The following MYH3 variants were observed in gnomAD, a reference collection of about 807,000 sequenced individuals.
MYH3 encodes myosin heavy chain 3, also known as myosin-3.
Under a neutral mutation model 238.0 loss-of-function variants are expected in MYH3, and 130 were observed. The ratio of observed to expected loss-of-function variants is 0.55; its 90% CI spans 0.47 to 0.63. MYH3 has a LOEUF of 0.63. Ranked by LOEUF, MYH3 falls within the 30% of genes least tolerant of loss-of-function variation. The probability of loss-of-function intolerance (pLI) is 0.00; values close to 1 mark genes in which losing one functional copy is unlikely to be tolerated. For synonymous variants in MYH3, 880 were observed against 924.1 expected (o/e 0.95, Z 0.86); for missense variants, 1,853 against 2,374.9 (o/e 0.78, Z 4.57).
chr17:10,647,269 T>A lies in MYH3; in HGVS notation c.811A>T (p.Lys271Ter). 6.2e-7 allele frequency: 1 copy of A among 1,614,126 alleles called. No individual in the cohort carries two copies. The highest frequency in any genetic ancestry group is 8.5e-7 in the Non-Finnish European group (1 of 1,179,962). Residue 271 changes from lysine to a stop codon, truncating the protein, a stop_gained, in exon 10 of 41, where the codon AAA becomes TAA. Coordinates refer to ENST00000583535, the MANE Select transcript of MYH3 (RefSeq NM_002470.4). LOFTEE classifies it high-confidence loss of function. ...SADIETYLLEKSRVTFQLKAE... is the reference protein window; with the variant it reads ...SADIETYLLE ...TTCAGCTGGAAAGTGACTCTTGATTTTTCCAGAAGATCTGGAACACAAACA... is the reference window on the plus strand; with the variant it reads ...TTCAGCTGGAAAGTGACTCTTGATTATTCCAGAAGATCTGGAACACAAACA...
chr17:10,648,168 C>T (rs919774883), intron 8 of MYH3, among the ~76,000 whole-genome samples: 2 of 152,134 alleles, frequency 1.3e-5, no homozygotes, highest in African/African-American at 4.8e-5. Flanking sequence ...GCCCTCCTCC[C>T]TACAACCACA....
At chr17:10,638,021 C>T in intron 27 of MYH3, 22 bp downstream of exon 27, 1 of 1,613,814 alleles carries the variant, frequency 6.2e-7, no homozygotes, top group Non-Finnish European at 8.5e-7. Flanking sequence ...AAGCCTTGAG[C>T]CACCCCCACC....
In MYH3 at chr17:10,652,512, C is replaced by T. The variant is rs779714194; in HGVS notation, c.256G>A (p.Asp86Asn). The change falls in exon 4 of 41, where the codon GAC becomes AAC. Residue 86 changes from aspartate (D) to asparagine (N), a missense_variant. Asp to Asn is a conservative substitution (Grantham distance 23, BLOSUM62 1). Transcript: ENST00000583535. ...DVYAMNPPKFDRIEDMAMLTH... is the reference protein window; with the variant it reads ...DVYAMNPPKFNRIEDMAMLTH... ...AGCATGGCCATGTCTTCGATCCTGTCGAACTTGGGGGGGTTCATGGCGTAC... is the reference window on the plus strand; with the variant it reads ...AGCATGGCCATGTCTTCGATCCTGTTGAACTTGGGGGGGTTCATGGCGTAC... 23 of 1,609,718 alleles carry T rather than the reference C, an allele frequency of 1.4e-5. No individual in the cohort carries two copies. Among genetic ancestry groups the T allele is most frequent in the Admixed American group, 1.0e-4 (6 of 59,664 alleles).
At chr17:10,663,891 C>T in the MYH3 span, among the ~76,000 whole-genome samples, 1 of 151,644 alleles carries the variant, frequency 6.6e-6, no homozygotes, top group Non-Finnish European at 1.5e-5. Context: ...GGTGAAATGC[C>T]GTCTTTACTA....
chr17:10,635,113 T>A (rs2074200586), intron 30 of MYH3, 90 bp from the exon 31 acceptor site: 3 of 1,445,898 alleles, frequency 2.1e-6, no homozygotes, highest in East Asian at 4.5e-5. Flanking sequence ...CTAATCTATG[T>A]GATTCAGACA....
At chr17:10,632,207 T>G (rs775896705) in intron 34 of MYH3, among the ~76,000 whole-genome samples, 191 bp from the exon 35 acceptor site, 3 of 152,220 alleles carry the variant, frequency 2.0e-5, no homozygotes, top group Non-Finnish European at 4.4e-5. Flanking sequence ...CTGTAACCTC[T>G]GCCTCCTGGA....
chr17:10,671,458 T>C, the MYH3 span, among the ~76,000 whole-genome samples: 4 of 152,210 alleles, frequency 2.6e-5, no homozygotes, highest in African/African-American at 4.8e-5. Context: ...ATCATTCTTT[T>C]AGTGTTTTGT....
chr17:10,667,913 T>A, the MYH3 span, among the ~76,000 whole-genome samples: 62 of 152,220 alleles, frequency 4.1e-4, no homozygotes, highest in African/African-American at 1.3e-3. Context: ...ACCATATAAA[T>A]GGTTTACAGA....
At chr17:10,662,007 GCTTTCTTT>G (rs141386069), upstream of MYH3, among the ~76,000 whole-genome samples, 5 of 151,366 alleles carry the variant, frequency 3.3e-5, no homozygotes, top group African/African-American at 4.8e-5. Flanking sequence ...ACCTTCCCCA[GCTTTCTTT>G]CTTTCTTTCT....
At chr17:10,635,213 T>C (rs1016079002) in intron 30 of MYH3, among the ~76,000 whole-genome samples, 154 bp downstream of exon 30, 1 of 152,212 alleles carries the variant, frequency 6.6e-6, no homozygotes. Flanking sequence ...AGATCAAAGC[T>C]GTTTGTTTTA....
the MYH3 span, among the ~76,000 whole-genome samples, chr17:10,664,905 A>C: frequency 6.6e-6 from 1 of 152,182 alleles, no homozygotes; most frequent in African/African-American, 2.4e-5. Context: ...AAAGGAATTA[A>C]AAGTAATGGA....
At chr17:10,650,956 T>A (rs7215508) in intron 5 of MYH3, among the ~76,000 whole-genome samples, 95,639 of 151,822 alleles carry the variant, frequency 0.63, 32,035 homozygotes, top group Non-Finnish European at 0.77. Flanking sequence ...TGGGAGGCTG[T>A]GGCAGGCAGA....
In MYH3 at chr17:10,654,739, T is replaced by C. The variant is rs1007003544; in HGVS notation, c.204+122A>G. The C allele has an allele frequency of 6.6e-6, 6 of 913,242 alleles. No individual in the cohort carries two copies. Among genetic ancestry groups the C allele is most frequent in the South Asian group, 1.3e-5 (1 of 76,480 alleles). 56.6% of individuals were successfully genotyped at this position (913,242 alleles called of 1,614,324 possible). A position where few individuals can be genotyped will look rare whatever the true frequency, so the allele number is the denominator to read the frequency against. ...ACCTGGGAAGCCCCAGGCTACATTG[T>C]ATGCGGCATTCCAGTGCTGGAACCA... On this transcript the variant is annotated intron_variant, in intron 3 of 40. Transcript: ENST00000583535. The surrounding 1 kb of genome is among the most constrained non-coding windows in gnomAD (Gnocchi z 4.5).
chr17:10,645,638 A>G, intron 12 of MYH3, 69 bp downstream of exon 12: 1 of 1,591,286 alleles, frequency 6.3e-7, no homozygotes, highest in Non-Finnish European at 8.6e-7. Context: ...AATTGCTTTC[A>G]AAAGCAGTAC....
intron 28 of MYH3, among the ~76,000 whole-genome samples, chr17:10,636,075 A>G (rs1226158928): frequency 6.6e-6 from 1 of 152,138 alleles, no homozygotes; most frequent in Non-Finnish European, 1.5e-5. Context: ...CTGTAATCCC[A>G]GCACTTTGGG....
At position 10,640,199 on chromosome 17, in the gene MYH3, G is replaced by A; in HGVS notation, c.2479C>T (p.His827Tyr). Residue 827 changes from histidine to tyrosine, a missense_variant, in exon 22 of 41, where the codon CAC becomes TAC. His to Tyr is a moderately conservative substitution (Grantham distance 83). Around this residue, in one of 3 missense-constraint regions of MYH3, gnomAD observed 678 missense variants for 1,058.9 expected, o/e 0.64. Coordinates refer to ENST00000583535, the MANE Select transcript of MYH3 (RefSeq NM_002470.4). ...AAGAAGAGTTTCATCCAGGGCCAGTGCTTGACGTTCATGAATGAGCGAATG... is the reference window on the plus strand; with the variant it reads ...AAGAAGAGTTTCATCCAGGGCCAGTACTTGACGTTCATGAATGAGCGAATG... ...YNIRSFMNVKHWPWMKLFFKI... is the reference protein window; with the variant it reads ...YNIRSFMNVKYWPWMKLFFKI... The A allele has an allele frequency of 1.9e-6, 3 of 1,614,214 alleles. No individual in the cohort carries two copies. Among genetic ancestry groups the A allele is most frequent in the Non-Finnish European group, 2.5e-6 (3 of 1,180,034 alleles).
chr17:10,654,855 C>A lies in MYH3; in HGVS notation c.204+6G>T, dbSNP rs765113020. 26 of 1,613,644 alleles carry A rather than the reference C, an allele frequency of 1.6e-5. No homozygotes were observed. Among genetic ancestry groups the A allele is most frequent in the Non-Finnish European group, 2.0e-5 (24 of 1,179,662 alleles). ...CCAGCAGCCTGTGGAGGGTACAGAG[C>A]CTTACCCTGTTGTCCTCAGTTTCCA... On this transcript the variant is annotated splice_donor_region_variant and intron_variant, in intron 3 of 40. Transcript: ENST00000583535. The surrounding 1 kb of genome is among the most constrained non-coding windows in gnomAD (Gnocchi z 4.5).
At chr17:10,663,381 A>C in the MYH3 span, among the ~76,000 whole-genome samples, 1 of 152,204 alleles carries the variant, frequency 6.6e-6, no homozygotes, top group Non-Finnish European at 1.5e-5. Context: ...AGGTGGCCCC[A>C]GGGAGGGAAT....
chr17:10,652,092 G>T, intron 4 of MYH3: 1 of 417,936 alleles, frequency 2.4e-6, no homozygotes, highest in Non-Finnish European at 4.5e-6. Flanking sequence ...AAGGGGGGAG[G>T]CTACCATTCC....
Sources: allele counts gnomAD v4.1 joint callset (sites outside exome capture counted in the v4.1 genomes callset), GRCh38; gene constraint gnomAD v4.1.1; regional missense constraint gnomAD v4.1.1; non-coding constraint Gnocchi (gnomAD v3.1); transcripts MANE v1.5; gene names NCBI Gene and HGNC (gene_info 2026-07-23, HGNC 2026-07-21).